The following PTK7 variants were observed in gnomAD, a reference collection of about 807,000 sequenced individuals.
PTK7 encodes inactive tyrosine-protein kinase 7.
In PTK7, 39 loss-of-function variants were observed where a neutral mutation model predicts 116.6. That is an observed-to-expected ratio of 0.33 (90% confidence interval 0.26 to 0.44). PTK7 has a LOEUF of 0.44. Ranked by LOEUF, PTK7 falls within the 20% of genes least tolerant of loss-of-function variation. The pLI is 1.00. For synonymous variants in PTK7, 546 were observed against 563.6 expected, an observed-to-expected ratio of 0.97 and a Z score of 0.44; for missense variants, 1,169 against 1,425.6, an observed-to-expected ratio of 0.82 and a Z score of 2.90.
In PTK7 at chr6:43,143,438, C is replaced by T. The variant is rs1183874901; in HGVS notation, c.2069C>T (p.Ser690Leu). 13 of 1,613,806 alleles carry T rather than the reference C, an allele frequency of 8.1e-6. No individual in the cohort carries two copies. Among genetic ancestry groups the T allele is most frequent in the African/African-American group, 1.3e-5 (1 of 74,918 alleles). Reference sequence around the variant, plus strand: ...TCAGACAAGCCTGTGCCGGAGGAGTCGGAGGGCCCTGGCAGCCCTCCCCCC... The same window carrying T: ...TCAGACAAGCCTGTGCCGGAGGAGTTGGAGGGCCCTGGCAGCCCTCCCCCC... The part of the protein sequence containing the change: ...YVVDKPVPEE[S>L]EGPGSPPPYK... Residue 690 changes from serine to leucine, a missense_variant, in exon 14 of 20, where the codon TCG becomes TTG. Physicochemically the swap from Ser to Leu is moderately radical, Grantham distance 145. Coordinates refer to ENST00000230419, the MANE Select transcript of PTK7 (RefSeq NM_002821.5). This position sits in a 1 kb window ranked among gnomAD's most constrained non-coding sequence, Gnocchi z 4.2.
intron 1 of PTK7, among the ~76,000 whole-genome samples, chr6:43,121,661 G>A (rs1768972131): frequency 6.6e-6 from 1 of 152,210 alleles, no homozygotes; most frequent in Admixed American, 6.5e-5. Flanking sequence ...GACAGTCTGG[G>A]TTGCTTGCAC....
chr6:43,117,738 G>A (rs769524462), intron 1 of PTK7, among the ~76,000 whole-genome samples: 53 of 152,046 alleles, frequency 3.5e-4, no homozygotes, highest in Non-Finnish European at 5.6e-4. Context: ...TCAGGAGTTC[G>A]AGACCAGCCA....
intron 1 of PTK7, among the ~76,000 whole-genome samples, chr6:43,085,785 T>C (rs572820171): frequency 1.3e-5 from 2 of 151,682 alleles, no homozygotes; most frequent in East Asian, 3.9e-4. Context: ...AATATAAAAT[T>C]AGCCGGGTGT....
intron 17 of PTK7, among the ~76,000 whole-genome samples, chr6:43,157,344 A>T (rs539916345): frequency 1.4e-3 from 15 of 10,834 alleles, no homozygotes; most frequent in South Asian, 3.6e-3. Context: ...ATATATATAT[A>T]TATATATATA....
chr6:43,132,132 C>G lies in PTK7; in HGVS notation c.929C>G (p.Pro310Arg). 6.2e-7 allele frequency: 1 copy of G among 1,612,490 alleles called. No homozygotes were observed. Residue 310 changes from proline (P) to arginine (R), a missense_variant, in exon 6 of 20, where the codon CCC becomes CGC. Transcript: ENST00000230419. ...ATTGGCCAGGGGCAGAGGGGCCCAC[C>G]CATCATCCTGGAAGCCACACTTCAC... The part of the protein sequence containing the change: ...RCIGQGQRGP[P>R]IILEATLHLA...
intron 1 of PTK7, among the ~76,000 whole-genome samples, chr6:43,088,962 T>A (rs1043252010): frequency 7.9e-5 from 12 of 152,204 alleles, no homozygotes; most frequent in African/African-American, 2.9e-4. Context: ...TAGGAGGTAA[T>A]AGAGTCATCC....
rs1287707873 is a variant in PTK7, at chr6:43,132,484, C to T, written c.1025C>T (p.Thr342Ile). Reference sequence around the variant, plus strand: ...ACAGCTGGCAGCGAGGAGCGTGTGACCTGCCTTCCCCCCAAGGGTCTGCCA... The same window carrying T: ...ACAGCTGGCAGCGAGGAGCGTGTGATCTGCCTTCCCCCCAAGGGTCTGCCA... Reference protein sequence around the residue: ...VFTAGSEERVTCLPPKGLPEP... With the variant: ...VFTAGSEERVICLPPKGLPEP... The change falls in exon 7 of 20, where the codon ACC becomes ATC. Residue 342 changes from threonine (T) to isoleucine (I), a missense_variant. Around this residue, in one of 3 missense-constraint regions of PTK7, gnomAD observed 487 missense variants for 549.8 expected, o/e 0.89. Transcript: ENST00000230419. 3 of 1,602,918 alleles carry T rather than the reference C, an allele frequency of 1.9e-6. No individual in the cohort carries two copies. The highest frequency in any genetic ancestry group is 1.7e-5 in the Admixed American group (1 of 59,690).
At position 43,158,901 on chromosome 6, in the gene PTK7, T is replaced by C; in HGVS notation, c.2806T>C (p.Cys936Arg). The C allele has an allele frequency of 6.2e-7, 1 of 1,614,234 alleles. No homozygotes were observed. The highest frequency in any genetic ancestry group is 8.5e-7 in the Non-Finnish European group (1 of 1,180,036). The change falls in exon 18 of 20, where the codon TGC (cysteine) becomes CGC (arginine). Residue 936 changes from cysteine to arginine, a missense_variant. By Grantham distance (180) the Cys-to-Arg change is radical. Around this residue, in one of 3 missense-constraint regions of PTK7, gnomAD observed 678 missense variants for 853.8 expected, o/e 0.79. Transcript: ENST00000230419. The stretch of plus-strand genomic sequence containing the variant: ...GCATAAGGACTTGGCTGCGCGTAAC[T>C]GCCTGGTCAGTGCCCAGAGACAAGT... ...FVHKDLAARNCLVSAQRQVKV... is the reference protein window; with the variant it reads ...FVHKDLAARNRLVSAQRQVKV...
At chr6:43,123,144 G>A (rs1381662947) in intron 1 of PTK7, among the ~76,000 whole-genome samples, 1 of 151,848 alleles carries the variant, frequency 6.6e-6, no homozygotes, top group Non-Finnish European at 1.5e-5. Flanking sequence ...GACGGATGGC[G>A]TTTTCTTTTA....
At chr6:43,119,838 C>T (rs776164894) in intron 1 of PTK7, among the ~76,000 whole-genome samples, 2 of 152,154 alleles carry the variant, frequency 1.3e-5, no homozygotes, top group African/African-American at 2.4e-5. Flanking sequence ...GGGCCAGATC[C>T]GTTCCCAGAC....
intron 1 of PTK7, among the ~76,000 whole-genome samples, chr6:43,099,113 A>C (rs550108531): frequency 6.6e-6 from 1 of 150,710 alleles, no homozygotes; most frequent in East Asian, 1.9e-4. Context: ...CCAGTACTTA[A>C]AAAAAAAAGG....
chr6:43,094,347 A>G (rs1767120882), intron 1 of PTK7, among the ~76,000 whole-genome samples: 1 of 152,066 alleles, frequency 6.6e-6, no homozygotes, highest in Admixed American at 6.6e-5. Context: ...CCCAAAGGCT[A>G]AGGAATTCTT....
chr6:43,130,257 G>A lies in PTK7; in HGVS notation c.498G>A (p.Gly166=), dbSNP rs138097201. ...CCACCTACCAATGGTTCCGAGATGGGACCCCCCTTTCTGATGGTCAGAGCA... is the reference window on the plus strand; with the variant it reads ...CCACCTACCAATGGTTCCGAGATGGAACCCCCCTTTCTGATGGTCAGAGCA... ...PRPTYQWFRD[G]TPLSDGQSNH... The change falls in exon 4 of 20, where the codon GGG becomes GGA. Residue 166 remains glycine (G), a synonymous_variant. Transcript: ENST00000230419. The A allele has an allele frequency of 1.1e-3, 1,734 of 1,597,450 alleles. 13 individuals carry two copies. The African/African-American group carries it at 0.018, about 16-fold the overall frequency.
At chr6:43,080,612 A>G (rs548738779) in intron 1 of PTK7, among the ~76,000 whole-genome samples, 9 of 152,190 alleles carry the variant, frequency 5.9e-5, no homozygotes, top group African/African-American at 2.2e-4. Context: ...AGCCTCTTCT[A>G]TAAAGGGACA....
chr6:43,119,396 G>C (rs567722951), intron 1 of PTK7, among the ~76,000 whole-genome samples: 6 of 152,296 alleles, frequency 3.9e-5, no homozygotes, highest in African/African-American at 1.2e-4. Context: ...GTCCTGGCCT[G>C]TCTAGTTCAC....
chr6:43,113,771 CA>C (rs1768328025), intron 1 of PTK7, among the ~76,000 whole-genome samples: 2 of 152,182 alleles, frequency 1.3e-5, no homozygotes, highest in Non-Finnish European at 2.9e-5. Flanking sequence ...GGAAGTTTAA[CA>C]GTACGGCGCA....
chr6:43,140,946 TC>T (rs1381702971), intron 10 of PTK7, among the ~76,000 whole-genome samples: 16 of 152,204 alleles, frequency 1.1e-4, no homozygotes, highest in African/African-American at 3.6e-4. Flanking sequence ...GTTTTGATGA[TC>T]CTAATAATAT....
intron 17 of PTK7, among the ~76,000 whole-genome samples, chr6:43,158,283 A>G (rs1771635348): frequency 6.6e-6 from 1 of 151,170 alleles, no homozygotes; most frequent in Non-Finnish European, 1.5e-5. Flanking sequence ...TGGGCAACAG[A>G]GCAAGACTCC....
chr6:43,076,699 C>T lies in PTK7; in HGVS notation c.79+132C>T. 7.2e-7 allele frequency: 1 copy of T among 1,381,562 alleles called. No individual in the cohort carries two copies. Among genetic ancestry groups the T allele is most frequent in the Non-Finnish European group, 9.5e-7 (1 of 1,047,852 alleles). The allele number at this position is 1,381,562 out of a possible 1,614,324, so 85.6% of individuals were successfully genotyped here. A position where few individuals can be genotyped will look rare whatever the true frequency, so the allele number is the denominator to read the frequency against. On this transcript the variant is annotated intron_variant, in intron 1 of 19. Transcript: ENST00000230419. This position sits in a 1 kb window ranked among gnomAD's most constrained non-coding sequence, Gnocchi z 5.7. ...GTAGTGGAGAGGCTCGCTGGGGGTG[C>T]AGGCTTGCGGCGGAAGGGCGCAAGG...
Sources: gnomAD v4.1 joint callset for allele counts (sites outside exome capture counted in the v4.1 genomes callset) on GRCh38, gnomAD v4.1.1 for gene constraint, gnomAD v4.1.1 regional missense constraint, Gnocchi (gnomAD v3.1) non-coding constraint, MANE v1.5 for transcripts, NCBI Gene and HGNC (gene_info 2026-07-23, HGNC 2026-07-21) for gene names.